Variants in IL16 observed in about 807,000 individuals in gnomAD.
IL16 encodes interleukin 16.
IL16 carries 67 observed loss-of-function variants against 110.1 expected under a neutral mutation model. The observed-to-expected ratio is 0.61, with a 90% confidence interval of 0.50 to 0.75. IL16 has a LOEUF of 0.75. Ranked by LOEUF, IL16 falls within the 30% of genes least tolerant of loss-of-function variation. The pLI is 0.00. For missense variants in IL16, 1,545 were observed against 1,655.0 expected, an observed-to-expected ratio of 0.93 and a Z score of 1.15; for synonymous variants, 689 against 662.9, an observed-to-expected ratio of 1.04 and a Z score of -0.61.
intron 6 of IL16, 44 bp downstream of exon 6, chr15:81,273,248 A>G (rs1898729179): frequency 7.2e-7 from 1 of 1,391,804 alleles, no homozygotes; most frequent in East Asian, 2.3e-5. Context: ...AGGAATCAGA[A>G]GCAGAATCCA....
rs1311221257 is a variant in IL16 at position 81,299,523 on chromosome 15, C to T, written c.2197C>T (p.His733Tyr). Residue 733 changes from histidine to tyrosine, a missense_variant, in exon 14 of 19, where the codon CAT becomes TAT. This residue lies in a region of IL16 where 1,185 missense variants were observed against 1,238.8 expected (regional missense o/e 0.96). Coordinates refer to ENST00000683961, the MANE Select transcript of IL16 (RefSeq NM_172217.5). ...NLFSPIMSENHGHMPLQPNAS... is the reference protein window; with the variant it reads ...NLFSPIMSENYGHMPLQPNAS... ...ATTTAGCCCCATCATGAGTGAGAAC[C>T]ATGGCCACATGCCTCTACAGCCCAA... The T allele has an allele frequency of 1.2e-6, 2 of 1,614,186 alleles. No homozygotes were observed. Among genetic ancestry groups the T allele is most frequent in the African/African-American group, 1.3e-5 (1 of 75,050 alleles).
intron 7 of IL16, 29 bp from the exon 8 acceptor site, chr15:81,279,529 G>A: frequency 6.5e-7 from 1 of 1,533,338 alleles, no homozygotes; most frequent in Non-Finnish European, 9.0e-7. Flanking sequence ...ATTGCTGCTG[G>A]GTGTTGTAGC....
chr15:81,194,031 A>T (rs1895540842), upstream of IL16, among the ~76,000 whole-genome samples: 1 of 152,122 alleles, frequency 6.6e-6, no homozygotes, highest in Non-Finnish European at 1.5e-5. Flanking sequence ...GTTAAATTAT[A>T]TTCTGCTCAT....
At chr15:81,275,401 G>T (rs1215727629) in intron 6 of IL16, among the ~76,000 whole-genome samples, 2 of 118,682 alleles carry the variant, frequency 1.7e-5, no homozygotes, top group African/African-American at 3.1e-5. Context: ...GGAGGGGAGG[G>T]CCCAGATGCC....
chr15:81,223,755 G>T (rs548925290), intron 1 of IL16, among the ~76,000 whole-genome samples: 2 of 152,224 alleles, frequency 1.3e-5, no homozygotes, highest in Non-Finnish European at 2.9e-5. Context: ...CTGTTGGCCA[G>T]AGCTGGAGGC....
At chr15:81,287,813 A>T (rs1321151877) in intron 10 of IL16, among the ~76,000 whole-genome samples, 2 of 152,236 alleles carry the variant, frequency 1.3e-5, no homozygotes, top group Non-Finnish European at 2.9e-5. Flanking sequence ...TGTGGATTGC[A>T]CACTGGAGCT....
Position 81,299,906 on chromosome 15 carries a change from G to T in IL16, c.2580G>T (p.Gln860His). The T allele has an allele frequency of 6.2e-7, 1 of 1,613,574 alleles. No homozygotes were observed. Among genetic ancestry groups the T allele is most frequent in the Non-Finnish European group, 8.5e-7 (1 of 1,180,020 alleles). The change falls in exon 14 of 19, where the codon CAG (glutamine) becomes CAT (histidine). Residue 860 changes from glutamine to histidine, a missense_variant. Physicochemically the swap from Gln to His is conservative, Grantham distance 24. Coordinates refer to ENST00000683961, the MANE Select transcript of IL16 (RefSeq NM_172217.5). ...CTCAACTGCCTGACAAAGGAGCCCA[G>T]AGACTGAGCCTCCAGCCCTCCTCTG... ...GSSQLPDKGA[Q>H]RLSLQPSSGE...
At chr15:81,236,337 T>C (rs1050176209) in intron 2 of IL16, among the ~76,000 whole-genome samples, 2 of 152,148 alleles carry the variant, frequency 1.3e-5, no homozygotes, top group African/African-American at 2.4e-5. Context: ...GAGCGACTTA[T>C]GGATGCTGAG....
At chr15:81,195,544 T>G (rs1242714276), upstream of IL16, among the ~76,000 whole-genome samples, 1 of 152,166 alleles carries the variant, frequency 6.6e-6, no homozygotes, top group Non-Finnish European at 1.5e-5. Context: ...GGCAGCTTTA[T>G]CCCCAGAGTG....
At chr15:81,244,014 T>G (rs1897445514) in intron 2 of IL16, among the ~76,000 whole-genome samples, 1 of 152,192 alleles carries the variant, frequency 6.6e-6, no homozygotes, top group Admixed American at 6.5e-5. Flanking sequence ...TTGTATAGCT[T>G]TTTTAGTTGT....
rs555203418 is a variant in IL16, at chr15:81,297,788, G to A, written c.2053+710G>A. ...CGTGAGGCCCTGTGCTAGATGCTGG[G>A]GGGAGAGAGAGAAAGGGATGAGACC... On this transcript the variant is annotated intron_variant, in intron 13 of 18. Coordinates refer to ENST00000683961, the MANE Select transcript of IL16 (RefSeq NM_172217.5). Among the ~76,000 whole-genome samples the A allele has an allele frequency of 1.2e-4, 18 of 152,264 alleles. No homozygotes were observed. In the East Asian group the frequency reaches 3.3e-3, roughly 28 times the overall value.
intron 16 of IL16, among the ~76,000 whole-genome samples, chr15:81,305,524 C>G (rs1160146137): frequency 1.3e-5 from 2 of 151,542 alleles, no homozygotes. Context: ...ATAGGAAAAG[C>G]CTTTTTCTTA....
intron 2 of IL16, among the ~76,000 whole-genome samples, chr15:81,243,164 T>TATATACATATATATA (rs60077602): frequency 3.8e-4 from 6 of 15,750 alleles, no homozygotes; most frequent in Non-Finnish European, 6.4e-4. Context: ...TATATATATA[T>TATATACATATATATA]TTTTTTTTTT....
chr15:81,236,398 C>T (rs1309551085), intron 2 of IL16, among the ~76,000 whole-genome samples: 1 of 152,204 alleles, frequency 6.6e-6, no homozygotes, highest in Non-Finnish European at 1.5e-5. Context: ...ACAGAGCCAG[C>T]TGTATCCCCT....
rs1045452780 is a variant in IL16, at chr15:81,314,017, T to TA, written c.*5226dup. The TA allele has an allele frequency of 3.9e-5, 6 of 152,184 alleles. No homozygotes were observed. Among genetic ancestry groups the TA allele is most frequent in the Non-Finnish European group, 7.3e-5 (5 of 68,036 alleles). The allele number at this position is 152,184 out of a possible 1,614,324, so 9.4% of individuals were successfully genotyped here. A position where few individuals can be genotyped will look rare whatever the true frequency, so the allele number is the denominator to read the frequency against. ...ACTCTTTTCACAGTATTTTTTGTTT[T>TA]AAAAAAATAGTTTTTTAAAATAAAA... On this transcript the variant is annotated 3_prime_UTR_variant, in exon 19 of 19. Coordinates refer to ENST00000683961, the MANE Select transcript of IL16 (RefSeq NM_172217.5).
intron 2 of IL16, among the ~76,000 whole-genome samples, chr15:81,243,479 C>T (rs999144252): frequency 1.5e-4 from 23 of 151,988 alleles, no homozygotes; most frequent in African/African-American, 5.6e-4. Context: ...GCCACCATGT[C>T]TGGCCATGCA....
intron 4 of IL16, among the ~76,000 whole-genome samples, chr15:81,268,090 T>C (rs1178985280): frequency 6.6e-6 from 1 of 152,172 alleles, no homozygotes; most frequent in African/African-American, 2.4e-5. Context: ...GAAGGTTGTT[T>C]CTGGGAGAGA....
intron 8 of IL16, among the ~76,000 whole-genome samples, chr15:81,281,170 A>G (rs972973000): frequency 3.9e-5 from 6 of 152,228 alleles, no homozygotes; most frequent in Non-Finnish European, 7.3e-5. Flanking sequence ...TTCTTCATCC[A>G]TAAAATGGGA....
In IL16 at chr15:81,313,783, G is replaced by T. The variant is rs1214278110; in HGVS notation, c.*4985G>T. The T allele has an allele frequency of 6.3e-6, 1 of 159,048 alleles. No individual in the cohort carries two copies. Among genetic ancestry groups the T allele is most frequent in the Non-Finnish European group, 1.4e-5 (1 of 72,724 alleles). 9.9% of individuals were successfully genotyped at this position (159,048 alleles called of 1,614,324 possible). A position where few individuals can be genotyped will look rare whatever the true frequency, so the allele number is the denominator to read the frequency against. On this transcript the variant is annotated 3_prime_UTR_variant, in exon 19 of 19. Coordinates refer to ENST00000683961, the MANE Select transcript of IL16 (RefSeq NM_172217.5). Reference sequence around the variant, plus strand: ...ATTTAGGGTCTGCAACCTCCTGGGGGCTCCTGGGACCCTTTCAAGGGGTCT... The same window carrying T: ...ATTTAGGGTCTGCAACCTCCTGGGGTCTCCTGGGACCCTTTCAAGGGGTCT...
Sources: gnomAD v4.1 joint callset for allele counts (sites outside exome capture counted in the v4.1 genomes callset) on GRCh38, gnomAD v4.1.1 for gene constraint, gnomAD v4.1.1 regional missense constraint, MANE v1.5 for transcripts, NCBI Gene and HGNC (gene_info 2026-07-23, HGNC 2026-07-21) for gene names.